The following NRXN1 variants were observed in gnomAD, a reference collection of about 807,000 sequenced individuals.
The protein encoded by NRXN1 is neurexin-1.
NRXN1 carries 39 observed loss-of-function variants against 150.9 expected under a neutral mutation model. The ratio of observed to expected loss-of-function variants is 0.26; its 90% confidence interval spans 0.20 to 0.34. The LOEUF (loss-of-function observed/expected upper bound fraction) is 0.34. Among genes scored for constraint, NRXN1 ranks in the 10% least tolerant of loss-of-function variants. The pLI is 1.00. For synonymous variants in NRXN1, 924 were observed against 757.0 expected (o/e 1.22, Z -3.62); for missense variants, 1,815 against 1,949.9 (o/e 0.93, Z 1.30).
chr2:50,924,119 C>A (rs1046381246), intron 3 of NRXN1, among the ~76,000 whole-genome samples: 6 of 150,814 alleles, frequency 4.0e-5, no homozygotes, highest in African/African-American at 1.5e-4. Context: ...ACAGATATTT[C>A]CAAGTAACAT....
intron 8 of NRXN1, among the ~76,000 whole-genome samples, chr2:50,571,529 T>C (rs1271023097): frequency 6.6e-6 from 1 of 152,200 alleles, no homozygotes. Flanking sequence ...ACTGAATCTA[T>C]GGCTGAGCAC....
At chr2:50,046,369 C>T (rs768440502) in intron 21 of NRXN1, among the ~76,000 whole-genome samples, 12 of 152,130 alleles carry the variant, frequency 7.9e-5, no homozygotes, top group South Asian at 2.1e-4. Flanking sequence ...GTACATGCCA[C>T]ACAATTGATG....
At chr2:50,210,377 G>A (rs2062928568) in intron 18 of NRXN1, among the ~76,000 whole-genome samples, 1 of 151,814 alleles carries the variant, frequency 6.6e-6, no homozygotes, top group South Asian at 2.1e-4. Context: ...TGGATTGGTG[G>A]TGCATTATTC....
chr2:50,415,875 T>C (rs1317913233), intron 17 of NRXN1, among the ~76,000 whole-genome samples: 5 of 151,190 alleles, frequency 3.3e-5, no homozygotes, highest in Non-Finnish European at 7.4e-5. Context: ...TAGAGGCTTG[T>C]AGTTTCATCA....
chr2:50,532,312 A>AT (rs11337827), intron 10 of NRXN1, among the ~76,000 whole-genome samples: 4 of 150,452 alleles, frequency 2.7e-5, no homozygotes, highest in South Asian at 2.1e-4. Context: ...TACTGTCATC[A>AT]TTTTTTTTTC....
In NRXN1 at chr2:50,440,152, A is replaced by G. The variant is rs796448770; in HGVS notation, c.3364+25290T>C. Among the ~76,000 whole-genome samples, 10 of 152,286 alleles carry G rather than the reference A, an allele frequency of 6.6e-5. 1 individual carries two copies. The highest frequency in any genetic ancestry group is 2.4e-4 in the African/African-American group (10 of 41,570). On this transcript the variant is annotated intron_variant, in intron 17 of 22. Transcript: ENST00000401669. ...AGGATATTCCAGTGAGGATTTCAATATGAGCAATGACAGCAAGGCAGGGAC... is the reference window on the plus strand; with the variant it reads ...AGGATATTCCAGTGAGGATTTCAATGTGAGCAATGACAGCAAGGCAGGGAC...
At chr2:50,438,172 C>T (rs369903304) in intron 17 of NRXN1, among the ~76,000 whole-genome samples, 6 of 152,204 alleles carry the variant, frequency 3.9e-5, no homozygotes, top group Non-Finnish European at 7.3e-5. Flanking sequence ...ATAGCACAGC[C>T]TTCTCCTTTC....
At chr2:50,416,570 G>A (rs2083554870) in intron 17 of NRXN1, among the ~76,000 whole-genome samples, 1 of 152,046 alleles carries the variant, frequency 6.6e-6, no homozygotes. Flanking sequence ...CTCCTATAAA[G>A]AAATGCCCAA....
chr2:50,158,732 A>G, intron 18 of NRXN1, among the ~76,000 whole-genome samples: 1 of 152,146 alleles, frequency 6.6e-6, no homozygotes, highest in Non-Finnish European at 1.5e-5. Context: ...ATTGTTTTTA[A>G]TAAGTGCAAA....
intron 5 of NRXN1, among the ~76,000 whole-genome samples, chr2:50,870,954 T>C (rs1382552682): frequency 2.0e-5 from 3 of 151,924 alleles, no homozygotes; most frequent in Admixed American, 2.0e-4. Context: ...AAGTTAACAA[T>C]AGTTTTTGAG....
intron 18 of NRXN1, chr2:50,207,780 A>T (rs2062719557): frequency 6.0e-6 from 1 of 165,518 alleles, no homozygotes; most frequent in African/African-American, 2.4e-5. Context: ...TGAATCAGCT[A>T]TCATTTGGGA....
At chr2:50,165,858 T>C (rs186287136) in intron 18 of NRXN1, among the ~76,000 whole-genome samples, 1 of 152,334 alleles carries the variant, frequency 6.6e-6, no homozygotes, top group Non-Finnish European at 1.5e-5. Flanking sequence ...TCATATTATC[T>C]TACTATATTA....
intron 5 of NRXN1, among the ~76,000 whole-genome samples, chr2:50,758,977 CTGTGCACAA>C (rs1403129957): frequency 2.0e-5 from 3 of 151,832 alleles, no homozygotes; most frequent in Non-Finnish European, 4.4e-5. Context: ...TATCAGAAAC[CTGTGCACAA>C]GAGTTTGTAT....
intron 19 of NRXN1, among the ~76,000 whole-genome samples, chr2:50,072,843 GC>G (rs1335436987): frequency 2.0e-5 from 3 of 152,126 alleles, no homozygotes; most frequent in Admixed American, 6.5e-5. Flanking sequence ...GACGGCATCA[GC>G]TGGTCCTAAA....
At chr2:49,927,284 T>C (rs1349276347) in intron 22 of NRXN1, among the ~76,000 whole-genome samples, 2 of 152,190 alleles carry the variant, frequency 1.3e-5, no homozygotes. Context: ...TGTTTGCAAA[T>C]AAAATTGTAT....
At chr2:50,545,639 G>A (rs1385430414) in intron 9 of NRXN1, among the ~76,000 whole-genome samples, 1 of 152,130 alleles carries the variant, frequency 6.6e-6, no homozygotes, top group African/African-American at 2.4e-5. Context: ...ACCTATTACA[G>A]GACATGAAAT....
chr2:50,821,572 C>T (rs1388695585), intron 5 of NRXN1, among the ~76,000 whole-genome samples: 1 of 151,990 alleles, frequency 6.6e-6, no homozygotes. Context: ...AGAATAAGCA[C>T]CATAGAAGTG....
rs1008566397 is a variant in NRXN1 at position 51,029,082 on chromosome 2, C to G, written c.-809G>C. 7 of 152,250 alleles carry G rather than the reference C, an allele frequency of 4.6e-5. No individual in the cohort carries two copies. Among genetic ancestry groups the G allele is most frequent in the African/African-American group, 1.7e-4 (7 of 41,462 alleles). 9.4% of individuals were successfully genotyped at this position (152,250 alleles called of 1,614,324 possible). A position where few individuals can be genotyped will look rare whatever the true frequency, so the allele number is the denominator to read the frequency against. On this transcript the variant is annotated 5_prime_UTR_variant, in exon 2 of 23. Transcript: ENST00000401669. ...TTAGATGTGGAAATCGCAACAGCTCCTCTTCTTTTCTCTCTGCCTCTGCAG... is the reference window on the plus strand; with the variant it reads ...TTAGATGTGGAAATCGCAACAGCTCGTCTTCTTTTCTCTCTGCCTCTGCAG...
intron 21 of NRXN1, among the ~76,000 whole-genome samples, chr2:49,952,297 G>A (rs1007595338): frequency 1.3e-5 from 2 of 151,982 alleles, no homozygotes; most frequent in Non-Finnish European, 2.9e-5. Context: ...TAGAGTACTG[G>A]ATTTTAGATA....
Sources: gnomAD v4.1 joint callset for allele counts (sites outside exome capture counted in the v4.1 genomes callset) on GRCh38, gnomAD v4.1.1 for gene constraint, MANE v1.5 for transcripts, NCBI Gene and HGNC (gene_info 2026-07-23, HGNC 2026-07-21) for gene names.